The following INTS4 variants were observed in gnomAD, a reference collection of about 807,000 sequenced individuals.
INTS4 encodes the protein integrator complex subunit 4.
INTS4 carries 70 observed loss-of-function variants against 119.5 expected under a neutral mutation model. That is an observed-to-expected ratio of 0.59 (90% CI 0.48 to 0.71). The LOEUF (loss-of-function observed/expected upper bound fraction) is 0.71, where lower values mean the gene tolerates loss of function less well. INTS4 is among the 30% of genes least tolerant of loss of function. The probability of loss-of-function intolerance (pLI) is 0.00; values close to 1 mark genes in which losing one functional copy is unlikely to be tolerated. For missense variants in INTS4, 867 were observed against 1,173.2 expected (o/e 0.74, Z 3.81); for synonymous variants, 316 against 419.6 (o/e 0.75, Z 3.02).
At chr11:77,990,846 C>T (rs1204792930) in intron 2 of INTS4, among the ~76,000 whole-genome samples, 1 of 152,168 alleles carries the variant, frequency 6.6e-6, no homozygotes, top group East Asian at 1.9e-4. Flanking sequence ...CTGTACTCTG[C>T]ACATACTGCA....
chr11:77,955,928 A>G lies in INTS4; in HGVS notation c.918+14T>C. 6.3e-7 allele frequency: 1 copy of G among 1,592,112 alleles called. No individual in the cohort carries two copies. Among genetic ancestry groups the G allele is most frequent in the Non-Finnish European group, 8.6e-7 (1 of 1,167,940 alleles). ...TATACATGCATACATACATACATAA[A>G]AAGTATAACTTACCAACAGTTTTGC... is the stretch of plus-strand genomic sequence containing the variant. On this transcript the variant is annotated intron_variant, in intron 8 of 22. Coordinates refer to ENST00000534064, the MANE Select transcript of INTS4 (RefSeq NM_033547.4).
intron 15 of INTS4, among the ~76,000 whole-genome samples, chr11:77,913,459 C>A (rs1953134388): frequency 6.6e-6 from 1 of 151,756 alleles, no homozygotes; most frequent in African/African-American, 2.4e-5. Context: ...CTACAGGCAC[C>A]CGCCACCACG....
chr11:77,963,416 A>C (rs1439380171), intron 4 of INTS4: 2 of 419,878 alleles, frequency 4.8e-6, no homozygotes, highest in Admixed American at 6.0e-5. Flanking sequence ...ATAAAAACTT[A>C]TTAATTAAAA....
At chr11:77,943,712 T>C (rs530273543) in intron 8 of INTS4, among the ~76,000 whole-genome samples, 3 of 152,338 alleles carry the variant, frequency 2.0e-5, no homozygotes, top group Non-Finnish European at 4.4e-5. Context: ...GTTAATGCTA[T>C]GAAAACCTTA....
At chr11:77,877,313 C>G (rs1186619235), downstream of INTS4, among the ~76,000 whole-genome samples, 6 of 152,204 alleles carry the variant, frequency 3.9e-5, no homozygotes, top group Admixed American at 3.9e-4. Flanking sequence ...GTACCTTAAA[C>G]CAAAAGTTAA....
At chr11:77,923,315 CA>C (rs35475320) in intron 12 of INTS4, among the ~76,000 whole-genome samples, 28,948 of 87,188 alleles carry the variant, frequency 0.33, 1,938 homozygotes, top group Middle Eastern at 0.38. Context: ...GACTCTGTCT[CA>C]AAAAAAAAAA....
intron 8 of INTS4, among the ~76,000 whole-genome samples, chr11:77,942,604 A>T (rs1415230686): frequency 6.6e-6 from 1 of 152,250 alleles, no homozygotes; most frequent in East Asian, 1.9e-4. Flanking sequence ...GGCTGAGATT[A>T]GGCAACTTAC....
At chr11:77,988,525 G>A (rs1856545102) in intron 2 of INTS4, among the ~76,000 whole-genome samples, 2 of 152,204 alleles carry the variant, frequency 1.3e-5, no homozygotes, top group Non-Finnish European at 2.9e-5. Flanking sequence ...AATATTAGAA[G>A]ATGGTAATTA....
At chr11:77,977,472 CA>C (rs1032714702) in intron 4 of INTS4, among the ~76,000 whole-genome samples, 59 of 150,164 alleles carry the variant, frequency 3.9e-4, no homozygotes, top group African/African-American at 1.4e-3. Context: ...CTTATGTTAG[CA>C]AAAAAGGAGC....
chr11:77,926,767 G>A (rs1366122976), intron 11 of INTS4, among the ~76,000 whole-genome samples: 2 of 146,542 alleles, frequency 1.4e-5, no homozygotes, highest in Admixed American at 7.0e-5. Flanking sequence ...AGCCAAGATC[G>A]TACCACCGCA....
intron 21 of INTS4, among the ~76,000 whole-genome samples, chr11:77,890,934 G>A (rs906700682): frequency 1.6e-4 from 25 of 152,126 alleles, no homozygotes; most frequent in Non-Finnish European, 1.2e-4. Flanking sequence ...TCTGCCAGCC[G>A]ACTGACTCAT....
intron 21 of INTS4, among the ~76,000 whole-genome samples, chr11:77,885,621 C>T (rs760206220): frequency 1.3e-5 from 2 of 151,842 alleles, no homozygotes; most frequent in Non-Finnish European, 2.9e-5. Flanking sequence ...GAGTTCAAGA[C>T]CAGTCTGGTC....
chr11:77,978,934 T>C (rs921200565), intron 4 of INTS4, 62 bp downstream of exon 4: 3 of 1,001,960 alleles, frequency 3.0e-6, no homozygotes, highest in Non-Finnish European at 4.7e-6. Context: ...AAACCATTAA[T>C]GGTCCTTAGC....
chr11:77,966,215 T>C (rs899917577), intron 4 of INTS4, among the ~76,000 whole-genome samples: 3 of 152,218 alleles, frequency 2.0e-5, no homozygotes, highest in African/African-American at 4.8e-5. Flanking sequence ...TTGTCAGATA[T>C]ATGGTTTACA....
chr11:77,875,041 C>CA (rs397791397), downstream of INTS4, among the ~76,000 whole-genome samples: 9,280 of 120,802 alleles, frequency 0.077, 915 homozygotes, highest in African/African-American at 0.25. Flanking sequence ...GACTCCATCT[C>CA]AAAAAAAAAA....
intron 14 of INTS4, among the ~76,000 whole-genome samples, chr11:77,920,224 T>TATATATACACATATATATACACAC (rs1565244765): frequency 1.0e-5 from 1 of 95,972 alleles, no homozygotes; most frequent in East Asian, 2.8e-4. Context: ...TATATACACA[T>TATATATACACATATATATACACAC]ATACATACAT....
chr11:77,878,147 G>A (rs546964326), downstream of INTS4, among the ~76,000 whole-genome samples: 189 of 152,162 alleles, frequency 1.2e-3, no homozygotes, highest in Admixed American at 1.9e-3. Context: ...CAGATCACGA[G>A]GTCAGGAGAT....
At chr11:77,992,372 A>G (rs1856729131) in intron 1 of INTS4, among the ~76,000 whole-genome samples, 1 of 152,028 alleles carries the variant, frequency 6.6e-6, no homozygotes, top group African/African-American at 2.4e-5. Context: ...GTTTGGGCGA[A>G]AAGAGCGAAA....
At chr11:77,987,546 G>A (rs1856501531) in intron 2 of INTS4, 5 of 418,900 alleles carry the variant, frequency 1.2e-5, no homozygotes, top group Admixed American at 5.5e-5. Flanking sequence ...AGATCACTGA[G>A]AGATCGAAAA....
Sources: gnomAD v4.1 joint callset for allele counts (sites outside exome capture counted in the v4.1 genomes callset) on GRCh38, gnomAD v4.1.1 for gene constraint, MANE v1.5 for transcripts, NCBI Gene and HGNC (gene_info 2026-07-23, HGNC 2026-07-21) for gene names.